Variants in CHMP1A observed in about 807,000 individuals in gnomAD.
CHMP1A encodes the protein charged multivesicular body protein 1A.
In CHMP1A, 17 loss-of-function variants were observed where a neutral mutation model predicts 27.0. That is an observed-to-expected ratio of 0.63 (90% CI 0.43 to 0.95). CHMP1A has a LOEUF of 0.95. Ranked by LOEUF, CHMP1A falls within the 40% of genes least tolerant of loss-of-function variation. The pLI, the probability that CHMP1A is intolerant of heterozygous loss-of-function variation, is 0.00. For synonymous variants in CHMP1A, 131 were observed against 107.5 expected (o/e 1.22, Z -1.35); for missense variants, 275 against 264.0 (o/e 1.04, Z -0.29).
intron 1 of CHMP1A, among the ~76,000 whole-genome samples, 175 bp from the exon 2 acceptor site, chr16:89,654,098 C>A (rs1021603970): frequency 6.6e-6 from 1 of 152,230 alleles, no homozygotes; most frequent in Non-Finnish European, 1.5e-5. Context: ...GAGACAGATT[C>A]GTGTGCCAGC....
rs539543444 is a variant in CHMP1A, at chr16:89,655,922, G to A, written c.7+1660C>T. On this transcript the variant is annotated intron_variant, in intron 1 of 6. Coordinates refer to ENST00000397901, the MANE Select transcript of CHMP1A (RefSeq NM_002768.5). ...GTTACAGGCGTGAGCCACCACATCC[G>A]GCCTCCCAAAGTGCTGGAATTACAG... Among the ~76,000 whole-genome samples, 458 of 152,058 alleles carry A rather than the reference G, an allele frequency of 3.0e-3. 3 individuals are homozygous for A. The highest frequency in any genetic ancestry group is 4.8e-3 in the Non-Finnish European group (326 of 67,944).
chr16:89,656,541 T>C (rs1050926816), intron 1 of CHMP1A, among the ~76,000 whole-genome samples: 3 of 152,250 alleles, frequency 2.0e-5, no homozygotes, highest in Non-Finnish European at 4.4e-5. Flanking sequence ...TTGGTATCCC[T>C]GAGCACACAG....
At chr16:89,650,763 A>C (rs1027632539) in intron 3 of CHMP1A, among the ~76,000 whole-genome samples, 1 of 151,056 alleles carries the variant, frequency 6.6e-6, no homozygotes. Context: ...CCGAGACCGC[A>C]CCTCTGCACT....
intron 3 of CHMP1A, among the ~76,000 whole-genome samples, chr16:89,651,325 C>T (rs1283674201): frequency 2.0e-5 from 3 of 152,010 alleles, no homozygotes; most frequent in African/African-American, 4.8e-5. Context: ...GAGACGAGAT[C>T]GCACCTGTGC....
intron 1 of CHMP1A, among the ~76,000 whole-genome samples, chr16:89,655,811 A>G (rs1442810427): frequency 6.6e-6 from 1 of 152,144 alleles, no homozygotes; most frequent in Non-Finnish European, 1.5e-5. Flanking sequence ...TTTTTAGAAG[A>G]GACGGGGTTT....
chr16:89,646,130 G>T (rs2059771638), intron 6 of CHMP1A, 43 bp from the exon 7 acceptor site: 3 of 1,504,836 alleles, frequency 2.0e-6, no homozygotes, highest in Non-Finnish European at 2.7e-6. Context: ...AGGGGAAGGG[G>T]GCCTCTGACC....
intron 1 of CHMP1A, 108 bp downstream of exon 1, chr16:89,657,474 A>T (rs1191389738): frequency 2.9e-6 from 4 of 1,399,154 alleles, no homozygotes; most frequent in Non-Finnish European, 3.9e-6. Context: ...TCGAGGCCCG[A>T]GCTCTCCTGA....
intron 1 of CHMP1A, among the ~76,000 whole-genome samples, chr16:89,656,586 G>A (rs2059873672): frequency 6.6e-6 from 1 of 152,184 alleles, no homozygotes; most frequent in South Asian, 2.1e-4. Flanking sequence ...TAAGAATTAG[G>A]GCGACCCATT....
At chr16:89,655,752 A>G (rs1276576102) in intron 1 of CHMP1A, among the ~76,000 whole-genome samples, 1 of 152,054 alleles carries the variant, frequency 6.6e-6, no homozygotes, top group East Asian at 1.9e-4. Context: ...CAGCCTCCCA[A>G]GTAGTTAGAA....
At chr16:89,657,465 C>A in intron 1 of CHMP1A, 117 bp downstream of exon 1, 1 of 1,325,372 alleles carries the variant, frequency 7.5e-7, no homozygotes, top group South Asian at 1.3e-5. Context: ...GATCGACGGT[C>A]GAGGCCCGAG....
rs762943349 is a variant in CHMP1A at position 89,646,033 on chromosome 16, G to C, written c.*33C>G. 1 of 1,596,818 alleles carries C rather than the reference G, an allele frequency of 6.3e-7. No homozygotes were observed. The highest frequency in any genetic ancestry group is 8.5e-7 in the Non-Finnish European group (1 of 1,172,996). ...GGACAGGAGCCTTCCAGCACATCAC[G>C]GGGCAGAGGCGGTGCACACCGGCGG... On this transcript the variant is annotated 3_prime_UTR_variant, in exon 7 of 7. Coordinates refer to ENST00000397901, the MANE Select transcript of CHMP1A (RefSeq NM_002768.5).
At chr16:89,651,682 C>T (rs748179737) in intron 2 of CHMP1A, 36 bp from the exon 3 acceptor site, 29 of 1,605,504 alleles carry the variant, frequency 1.8e-5, no homozygotes, top group African/African-American at 6.7e-5. Flanking sequence ...GTCAGACATG[C>T]GGAGCCCATC....
chr16:89,649,811 C>T (rs767312801), intron 3 of CHMP1A, among the ~76,000 whole-genome samples: 3 of 152,176 alleles, frequency 2.0e-5, no homozygotes, highest in Non-Finnish European at 4.4e-5. Flanking sequence ...CTCCTGACCT[C>T]GTGATCTGCC....
chr16:89,657,388 G>T (rs1334128411), intron 1 of CHMP1A, among the ~76,000 whole-genome samples, 194 bp downstream of exon 1: 3 of 151,426 alleles, frequency 2.0e-5, no homozygotes, highest in African/African-American at 7.3e-5. Context: ...GTCGGGGATC[G>T]GGGGACGACG....
At position 89,653,937 on chromosome 16, in the gene CHMP1A, G is replaced by A. The variant is rs368546347; in HGVS notation, c.8-14C>T. 1.2e-6 allele frequency: 2 copies of A among 1,613,252 alleles called. No individual in the cohort carries two copies. Among genetic ancestry groups the A allele is most frequent in the South Asian group, 1.1e-5 (1 of 91,078 alleles). On this transcript the variant is annotated splice_polypyrimidine_tract_variant and intron_variant, in intron 1 of 6. Coordinates refer to ENST00000397901, the MANE Select transcript of CHMP1A (RefSeq NM_002768.5). ...GGAACAGGGTATCTGCAAAGAAAGAGGGAATTAATGGTTTGAGGATTGGGA... is the reference window on the plus strand; with the variant it reads ...GGAACAGGGTATCTGCAAAGAAAGAAGGAATTAATGGTTTGAGGATTGGGA...
At chr16:89,649,662 G>C in intron 3 of CHMP1A, 165 bp from the exon 4 acceptor site, 1 of 760,722 alleles carries the variant, frequency 1.3e-6, no homozygotes, top group Non-Finnish European at 2.1e-6. Context: ...CGCAAGCTCC[G>C]CCCCCCAGGT....
rs1469519436 is a variant in CHMP1A, at chr16:89,651,579, T to G, written c.95A>C (p.Lys32Thr). The change falls in exon 3 of 7, where the codon AAA becomes ACA. Residue 32 changes from lysine to threonine, a missense_variant. Transcript: ENST00000397901. ...CCCCCAGGGTCTCACCTTCTTCACT[T>G]TGGCCTGCTCCGCCTTGGAGTCCTT... ...AEKDSKAEQAKVKKALLQKNV... is the reference protein window; with the variant it reads ...AEKDSKAEQATVKKALLQKNV... The G allele has an allele frequency of 6.2e-7, 1 of 1,613,690 alleles. No homozygotes were observed. The highest frequency in any genetic ancestry group is 1.1e-5 in the South Asian group (1 of 91,086).
In CHMP1A at chr16:89,645,418, C is replaced by G. The variant is rs1291911972; in HGVS notation, c.*648G>C. The G allele has an allele frequency of 6.3e-6, 1 of 159,078 alleles. No homozygotes were observed. Among genetic ancestry groups the G allele is most frequent in the Non-Finnish European group, 1.4e-5 (1 of 71,742 alleles). 9.9% of individuals were successfully genotyped at this position (159,078 alleles called of 1,614,324 possible). A position where few individuals can be genotyped will look rare whatever the true frequency, so the allele number is the denominator to read the frequency against. ...CACACTTGAATGTGGATCTGAGTGACGGTTCTGTCCCCATGGACTGGGCAG... is the reference window on the plus strand; with the variant it reads ...CACACTTGAATGTGGATCTGAGTGAGGGTTCTGTCCCCATGGACTGGGCAG... On this transcript the variant is annotated 3_prime_UTR_variant, in exon 7 of 7. Transcript: ENST00000397901.
rs557110368 is a variant in CHMP1A at position 89,648,657 on chromosome 16, G to A, written c.252+694C>T. Among the ~76,000 whole-genome samples, 22 of 152,296 alleles carry A rather than the reference G, an allele frequency of 1.4e-4. No homozygotes were observed. In the South Asian group the frequency reaches 2.5e-3, roughly 17 times the overall value. Reference sequence around the variant, plus strand: ...TATAATTCCAGCACTTTGGGAGGCCGAGGTGGGAAGATTGCTTGAGGCCAG... The same window carrying A: ...TATAATTCCAGCACTTTGGGAGGCCAAGGTGGGAAGATTGCTTGAGGCCAG... On this transcript the variant is annotated intron_variant, in intron 4 of 6. Transcript: ENST00000397901.
Sources: allele counts gnomAD v4.1 joint callset (sites outside exome capture counted in the v4.1 genomes callset), GRCh38; gene constraint gnomAD v4.1.1; transcripts MANE v1.5; gene names NCBI Gene and HGNC (gene_info 2026-07-23, HGNC 2026-07-21).